The following GLE1 variants were observed in gnomAD, a reference collection of about 807,000 sequenced individuals.
The protein encoded by GLE1 is mRNA export factor GLE1.
GLE1 carries 78 observed loss-of-function variants against 97.3 expected under a neutral mutation model. The observed-to-expected ratio is 0.80, with a 90% CI of 0.67 to 0.97. The LOEUF is 0.97. Ranked by LOEUF, GLE1 falls within the 50% of genes least tolerant of loss-of-function variation. The pLI is 0.00. For synonymous variants in GLE1, 302 were observed against 313.4 expected (o/e 0.96, Z 0.39); for missense variants, 753 against 857.5 (o/e 0.88, Z 1.52).
Position 128,504,750 on chromosome 9 carries a change from T to C in GLE1, c.-56T>C. On this transcript the variant is annotated 5_prime_UTR_variant, in exon 1 of 16. Coordinates refer to ENST00000309971, the MANE Select transcript of GLE1 (RefSeq NM_001003722.2). Reference sequence around the variant, plus strand: ...CTGTGTGGCCTTCCCGGCGGCTGATTCGAGGGCTTGTTTGGTCAGAAGGGG... The same window carrying C: ...CTGTGTGGCCTTCCCGGCGGCTGATCCGAGGGCTTGTTTGGTCAGAAGGGG... The C allele has an allele frequency of 8.2e-7, 1 of 1,222,926 alleles. No individual in the cohort carries two copies. The highest frequency in any genetic ancestry group is 1.2e-6 in the Non-Finnish European group (1 of 826,616). 75.8% of individuals were successfully genotyped at this position (1,222,926 alleles called of 1,614,324 possible). A position where few individuals can be genotyped will look rare whatever the true frequency, so the allele number is the denominator to read the frequency against.
At chr9:128,504,958 C>T (rs1355303555) in intron 1 of GLE1, 54 bp downstream of exon 1, 15 of 1,204,740 alleles carry the variant, frequency 1.2e-5, no homozygotes, top group Non-Finnish European at 1.9e-5. Context: ...CGACCGAAAC[C>T]TTCTCCCTAG....
At chr9:128,511,743 C>CG (rs1846830639) in intron 2 of GLE1, among the ~76,000 whole-genome samples, 1 of 150,896 alleles carries the variant, frequency 6.6e-6, no homozygotes, top group African/African-American at 2.4e-5. Context: ...TGGACTTAAA[C>CG]ATAAAAAAAA....
chr9:128,539,507 G>C, intron 13 of GLE1, 109 bp from the exon 14 acceptor site: 1 of 900,420 alleles, frequency 1.1e-6, no homozygotes, highest in Non-Finnish European at 1.8e-6. Context: ...CATTGTGGTT[G>C]AAATTTTTGA....
chr9:128,506,386 G>A (rs1015317174), intron 1 of GLE1, among the ~76,000 whole-genome samples: 2 of 152,040 alleles, frequency 1.3e-5, no homozygotes, highest in African/African-American at 4.8e-5. Context: ...CAACAATTAT[G>A]TATTCATAAG....
At chr9:128,510,228 CT>C (rs1476796761) in intron 2 of GLE1, among the ~76,000 whole-genome samples, 4 of 150,392 alleles carry the variant, frequency 2.7e-5, no homozygotes, top group Non-Finnish European at 4.4e-5. Flanking sequence ...TGGCTATTTT[CT>C]TTTTCTTTTT....
At chr9:128,537,453 CAAAAAAAAAAAAA>C (rs57584433) in intron 12 of GLE1, among the ~76,000 whole-genome samples, 1,371 of 44,034 alleles carry the variant, frequency 0.031, 52 homozygotes, top group East Asian at 0.2. Context: ...AACTCTCCCT[CAAAAAAAAAAAAA>C]AAAAAAAAAA....
In GLE1 at chr9:128,509,024, C is replaced by T. The variant is rs2132405698; in HGVS notation, c.248C>T (p.Ser83Leu). The T allele has an allele frequency of 1.2e-6, 2 of 1,613,886 alleles. No individual in the cohort carries two copies. Among genetic ancestry groups the T allele is most frequent in the African/African-American group, 2.7e-5 (2 of 75,050 alleles). ...STSASALDQPSFVPKSPDASS... is the reference protein window; with the variant it reads ...STSASALDQPLFVPKSPDASS... ...TCAGCTTCAGCCCTAGATCAACCCT[C>T]ATTTGTTCCCAAATCTCCTGACGCA... Residue 83 changes from serine to leucine, a missense_variant, in exon 2 of 16, where the codon TCA becomes TTA. Transcript: ENST00000309971.
intron 13 of GLE1, among the ~76,000 whole-genome samples, chr9:128,538,711 G>A (rs1030314948): frequency 1.3e-5 from 2 of 151,974 alleles, no homozygotes; most frequent in Non-Finnish European, 1.5e-5. Context: ...CAGGAGAATC[G>A]CTTGAACAGG....
chr9:128,509,873 CA>C (rs549005176), intron 2 of GLE1, among the ~76,000 whole-genome samples: 166 of 151,950 alleles, frequency 1.1e-3, no homozygotes, highest in Non-Finnish European at 2.3e-3. Flanking sequence ...ATGGGAGGAT[CA>C]CTTGAGCCCA....
Position 128,504,920 on chromosome 9 carries a change from G to T in GLE1, c.99+16G>T. 2 of 1,539,092 alleles carry T rather than the reference G, an allele frequency of 1.3e-6. No individual in the cohort carries two copies. The highest frequency in any genetic ancestry group is 1.4e-5 in the African/African-American group (1 of 73,632). ...GCGGCGCGAGGTGAGCGGTGGCCCC[G>T]GAGGACGTAGGCCTTTCCGGCCCCT... On this transcript the variant is annotated intron_variant, in intron 1 of 15. Transcript: ENST00000309971.
intron 1 of GLE1, 46 bp from the exon 2 acceptor site, chr9:128,508,830 G>C: frequency 9.2e-7 from 1 of 1,089,784 alleles, no homozygotes; most frequent in Non-Finnish European, 1.4e-6. Context: ...ATTATACTGA[G>C]AACAGTTGAC....
At chr9:128,516,928 T>C (rs1404060775) in intron 3 of GLE1, among the ~76,000 whole-genome samples, 1 of 151,970 alleles carries the variant, frequency 6.6e-6, no homozygotes. Flanking sequence ...GCCCAGCATG[T>C]ATTTTTTTTT....
intron 1 of GLE1, 29 bp downstream of exon 1, chr9:128,504,933 C>T: frequency 6.9e-7 from 1 of 1,455,800 alleles, no homozygotes; most frequent in Non-Finnish European, 9.7e-7. Flanking sequence ...GGACGTAGGC[C>T]TTTCCGGCCC....
chr9:128,537,225 G>C (rs1847737855), intron 12 of GLE1, among the ~76,000 whole-genome samples: 1 of 151,708 alleles, frequency 6.6e-6, no homozygotes, highest in African/African-American at 2.4e-5. Context: ...GGCTGAGGTG[G>C]GTGGATCACC....
chr9:128,535,753 G>A (rs943877003), intron 11 of GLE1, among the ~76,000 whole-genome samples: 7 of 152,016 alleles, frequency 4.6e-5, no homozygotes, highest in South Asian at 2.1e-4. Flanking sequence ...CCCGAGAGGC[G>A]GAGATTGCCT....
intron 11 of GLE1, among the ~76,000 whole-genome samples, chr9:128,534,276 C>T (rs764525083): frequency 2.6e-5 from 4 of 151,928 alleles, no homozygotes; most frequent in Non-Finnish European, 4.4e-5. Context: ...GGCTGAGGCA[C>T]GAGAATTGCT....
At chr9:128,522,635 TAAAAAAA>T (rs60154464) in intron 3 of GLE1, 26 bp from the exon 4 acceptor site, 12 of 1,266,956 alleles carry the variant, frequency 9.5e-6, no homozygotes, top group African/African-American at 4.2e-5. Context: ...GATTCCATCT[TAAAAAAA>T]AAAAAAAAAA....
intron 9 of GLE1, among the ~76,000 whole-genome samples, chr9:128,533,162 GC>G (rs1349717739): frequency 1.3e-5 from 2 of 151,856 alleles, no homozygotes; most frequent in Non-Finnish European, 2.9e-5. Context: ...GGTGGCTCAC[GC>G]CTGTAATCCC....
intron 2 of GLE1, among the ~76,000 whole-genome samples, chr9:128,509,690 G>C (rs1430657734): frequency 6.6e-6 from 1 of 151,686 alleles, no homozygotes; most frequent in African/African-American, 2.4e-5. Flanking sequence ...CCAACACAGT[G>C]GCTCATGTCC....
Sources: allele counts gnomAD v4.1 joint callset (sites outside exome capture counted in the v4.1 genomes callset), GRCh38; gene constraint gnomAD v4.1.1; transcripts MANE v1.5; gene names NCBI Gene and HGNC (gene_info 2026-07-23, HGNC 2026-07-21).